Variants in ZNF589 observed in about 807,000 individuals in gnomAD.
The protein encoded by ZNF589 is KRAB-zinc finger protein SZF1-1.
ZNF589 carries 17 observed loss-of-function variants against 13.6 expected under a neutral mutation model. That is an observed-to-expected ratio of 1.25 (90% CI 0.86 to 1.88). ZNF589 has a LOEUF of 1.88. Ranked by LOEUF, ZNF589 falls within the 40% of genes most tolerant of loss-of-function variation. ZNF589 has a pLI of 0.00. For synonymous variants in ZNF589, 148 were observed against 161.6 expected (o/e 0.92, Z 0.64); for missense variants, 407 against 434.0 (o/e 0.94, Z 0.55).
chr3:48,262,994 A>G (rs188020370), intron 3 of ZNF589, among the ~76,000 whole-genome samples: 322 of 152,334 alleles, frequency 2.1e-3, no homozygotes, highest in Non-Finnish European at 4.1e-3. Flanking sequence ...ATTTGTAGCT[A>G]TCATGTCCAC....
At chr3:48,248,729 A>G (rs2033799371) in intron 2 of ZNF589, among the ~76,000 whole-genome samples, 1 of 152,246 alleles carries the variant, frequency 6.6e-6, no homozygotes. Context: ...GGTAATAATT[A>G]TGATGAAGAC....
chr3:48,257,896 C>A, intron 2 of ZNF589: 1 of 430,374 alleles, frequency 2.3e-6, no homozygotes. Context: ...TTTCGGTTCT[C>A]TTCTATTGAT....
At chr3:48,258,552 T>C (rs2033934301) in intron 2 of ZNF589, among the ~76,000 whole-genome samples, 1 of 152,248 alleles carries the variant, frequency 6.6e-6, no homozygotes, top group Non-Finnish European at 1.5e-5. Context: ...GTTTGATTAC[T>C]TTTTGAGAAC....
chr3:48,241,882 T>C (rs1223074692), intron 1 of ZNF589, among the ~76,000 whole-genome samples: 1 of 152,020 alleles, frequency 6.6e-6, no homozygotes, highest in Non-Finnish European at 1.5e-5. Flanking sequence ...TGGCGGGATC[T>C]AGGCTCACTG....
At chr3:48,247,161 G>A (rs2033775984) in intron 1 of ZNF589, among the ~76,000 whole-genome samples, 1 of 149,442 alleles carries the variant, frequency 6.7e-6, no homozygotes, top group Non-Finnish European at 1.5e-5. Context: ...AGTGGAGTTG[G>A]GGTTTCTTTG....
rs959624999 is a variant in ZNF589 at position 48,269,378 on chromosome 3, C to T, written c.*592C>T. On this transcript the variant is annotated 3_prime_UTR_variant, in exon 4 of 4. Coordinates refer to ENST00000354698, the MANE Select transcript of ZNF589 (RefSeq NM_016089.3). ...ACCTTATGTGTGCAGCCAGTGTGGG[C>T]GAGGCTTTTGTGATAAATCAACTCT... The T allele has an allele frequency of 1.5e-5, 11 of 743,492 alleles. No homozygotes were observed. The highest frequency in any genetic ancestry group is 3.6e-5 in the African/African-American group (2 of 55,280). The allele number at this position is 743,492 out of a possible 1,614,324, so 46.1% of individuals were successfully genotyped here. A position where few individuals can be genotyped will look rare whatever the true frequency, so the allele number is the denominator to read the frequency against.
chr3:48,252,080 C>T (rs2033844394), intron 2 of ZNF589, among the ~76,000 whole-genome samples: 1 of 151,892 alleles, frequency 6.6e-6, no homozygotes, highest in African/African-American at 2.4e-5. Flanking sequence ...TTTCTCGGTG[C>T]TCTGTTCTGC....
At chr3:48,266,124 G>T (rs1017586401) in intron 3 of ZNF589, among the ~76,000 whole-genome samples, 1 of 152,134 alleles carries the variant, frequency 6.6e-6, no homozygotes, top group African/African-American at 2.4e-5. Context: ...ACTTTTTAAA[G>T]GTCTATGTTC....
At chr3:48,245,878 C>T (rs2033758557) in intron 1 of ZNF589, among the ~76,000 whole-genome samples, 1 of 150,618 alleles carries the variant, frequency 6.6e-6, no homozygotes, top group Non-Finnish European at 1.5e-5. Context: ...ACCCAGGAGG[C>T]GGAGGTTGCA....
intron 1 of ZNF589, among the ~76,000 whole-genome samples, chr3:48,247,137 A>T (rs2033775841): frequency 6.6e-6 from 1 of 150,636 alleles, no homozygotes; most frequent in Admixed American, 6.6e-5. Flanking sequence ...TGCCTGGCTA[A>T]TTTTTTTATT....
In ZNF589 at chr3:48,268,177, G is replaced by T; in HGVS notation, c.486G>T (p.Gly162=). 1.2e-6 allele frequency: 2 copies of T among 1,612,194 alleles called. No homozygotes were observed. The highest frequency in any genetic ancestry group is 1.7e-6 in the Non-Finnish European group (2 of 1,179,002). Residue 162 remains glycine (G), a synonymous_variant, in exon 4 of 4, where the codon GGG becomes GGT. Transcript: ENST00000354698. ...RPLFWSTNER[G]ALVGFSSLFQ... ...TGTTTTGGAGTACAAATGAAAGGGG[G>T]GCTTTAGTGGGTTTCTCTAGCCTGT...
chr3:48,268,784 T>G lies in ZNF589; in HGVS notation c.1093T>G (p.Ter365GlyextTer332). ...TGDKPYVCRD[*>G] ...GGATAAGCCTTATGTGTGCAGAGAT[T>G]GAGGCCGAGGCTTTGTAAGGAGATC... Residue 365 changes from the stop codon to glycine (G), a stop_lost, in exon 4 of 4, where the codon TGA (stop) becomes GGA (glycine). Transcript: ENST00000354698. The G allele has an allele frequency of 6.2e-7, 1 of 1,610,116 alleles. No individual in the cohort carries two copies. Among genetic ancestry groups the G allele is most frequent in the Non-Finnish European group, 8.5e-7 (1 of 1,177,832 alleles).
chr3:48,242,268 G>C (rs1225602270), intron 1 of ZNF589, among the ~76,000 whole-genome samples: 1 of 151,920 alleles, frequency 6.6e-6, no homozygotes, highest in African/African-American at 2.4e-5. Context: ...ACGCCACCAC[G>C]CCCGGCTATT....
chr3:48,256,838 C>T, intron 2 of ZNF589: 2 of 1,367,830 alleles, frequency 1.5e-6, no homozygotes, highest in Non-Finnish European at 2.0e-6. Context: ...TTCCCTGAAA[C>T]CACGAGCTGG....
At chr3:48,257,100 T>C (rs1353226062) in intron 2 of ZNF589, 3 of 455,960 alleles carry the variant, frequency 6.6e-6, no homozygotes, top group African/African-American at 4.0e-5. Flanking sequence ...CTGTGAGATA[T>C]ATTGATCTGT....
chr3:48,241,196 C>T lies in ZNF589; in HGVS notation c.25C>T (p.Leu9=). ...GATGTGGGCCCCGCGGGAGCAGCTA[C>T]TGGGCTGGACTGCGGAAGGTGAGTC... MWAPREQL[L]GWTAEALPAK... The change falls in exon 1 of 4, where the codon CTG becomes TTG. Residue 9 remains leucine, a synonymous_variant. Coordinates refer to ENST00000354698, the MANE Select transcript of ZNF589 (RefSeq NM_016089.3). 6.2e-7 allele frequency: 1 copy of T among 1,613,290 alleles called. No individual in the cohort carries two copies. Among genetic ancestry groups the T allele is most frequent in the Admixed American group, 1.7e-5 (1 of 60,006 alleles).
At position 48,268,044 on chromosome 3, in the gene ZNF589, C is replaced by T. The variant is rs763928637; in HGVS notation, c.353C>T (p.Pro118Leu). The change falls in exon 4 of 4, where the codon CCA becomes CTA. Residue 118 changes from proline to leucine, a missense_variant. Pro to Leu is a moderately conservative substitution (Grantham distance 98, BLOSUM62 -3). Transcript: ENST00000354698. ...TTCCATGCAGGAAATCAACTCCACC[C>T]AGGAAATCCCTGCCCAGAGGATCAG... ...PGFHAGNQLH[P>L]GNPCPEDQPQ... 9 of 1,614,094 alleles carry T rather than the reference C, an allele frequency of 5.6e-6. No homozygotes were observed. Among genetic ancestry groups the T allele is most frequent in the Middle Eastern group, 1.6e-4 (1 of 6,084 alleles).
intron 1 of ZNF589, 97 bp from the exon 2 acceptor site, chr3:48,247,528 C>T (rs1019859838): frequency 3.1e-5 from 43 of 1,396,572 alleles, no homozygotes; most frequent in Non-Finnish European, 4.1e-5. Flanking sequence ...GCTGAGAAGG[C>T]TCAGGTGGCC....
At chr3:48,248,565 G>C (rs898084781) in intron 2 of ZNF589, among the ~76,000 whole-genome samples, 2 of 152,090 alleles carry the variant, frequency 1.3e-5, no homozygotes, top group African/African-American at 2.4e-5. Flanking sequence ...TGTGATCTTT[G>C]CTATACCAGA....
Sources: allele counts gnomAD v4.1 joint callset (sites outside exome capture counted in the v4.1 genomes callset), GRCh38; gene constraint gnomAD v4.1.1; transcripts MANE v1.5; gene names NCBI Gene and HGNC (gene_info 2026-07-23, HGNC 2026-07-21).